The following RBFOX2 variants were observed in gnomAD, a reference collection of about 807,000 sequenced individuals.
RBFOX2 encodes the protein RNA binding fox-1 homolog 2.
A neutral mutation model predicts 49.1 loss-of-function variants in RBFOX2; 10 were observed. The observed-to-expected ratio is 0.20, with a 90% CI of 0.13 to 0.35. The LOEUF (loss-of-function observed/expected upper bound fraction) is 0.35. Ranked by LOEUF, RBFOX2 falls within the 10% of genes least tolerant of loss-of-function variation. RBFOX2 has a pLI of 1.00. For synonymous variants in RBFOX2, 183 were observed against 187.4 expected (o/e 0.98, Z 0.19); for missense variants, 323 against 486.9 (o/e 0.66, Z 3.17).
intron 9 of RBFOX2, among the ~76,000 whole-genome samples, chr22:35,753,936 C>A (rs1387066811): frequency 6.6e-6 from 1 of 151,824 alleles, no homozygotes; most frequent in African/African-American, 2.4e-5. Context: ...GCGTGTGCCA[C>A]CACGCCTGGC....
chr22:36,028,526 G>C, exon 1 of RBFOX2: 1 of 975,766 alleles, frequency 1.0e-6, no homozygotes, highest in Middle Eastern at 5.1e-4. Flanking sequence ...GCGCGCGCCT[G>C]CCCCCGCCCC....
intron 1 of RBFOX2, among the ~76,000 whole-genome samples, chr22:35,880,522 A>C (rs940587788): frequency 6.6e-6 from 1 of 152,154 alleles, no homozygotes; most frequent in African/African-American, 2.4e-5. Context: ...ACAGAATTTA[A>C]CACCCAGTGT....
At chr22:35,942,182 G>A (rs1405247704), upstream of RBFOX2, among the ~76,000 whole-genome samples, 1 of 152,050 alleles carries the variant, frequency 6.6e-6, no homozygotes, top group Non-Finnish European at 1.5e-5. Context: ...TGGTTTTTGT[G>A]CTCACACCAT....
intron 9 of RBFOX2, among the ~76,000 whole-genome samples, chr22:35,752,422 C>G (rs866320097): frequency 6.6e-6 from 1 of 152,240 alleles, no homozygotes; most frequent in South Asian, 2.1e-4. Flanking sequence ...AGAGGAAGTG[C>G]CATTATGTAC....
At chr22:35,980,928 G>A (rs957664016) in intron 1 of RBFOX2, among the ~76,000 whole-genome samples, 12 of 152,122 alleles carry the variant, frequency 7.9e-5, no homozygotes, top group African/African-American at 2.7e-4. Flanking sequence ...TTTATGTTAT[G>A]TGTTTTACTT....
intron 1 of RBFOX2, among the ~76,000 whole-genome samples, chr22:35,938,287 G>C (rs2053323019): frequency 6.6e-6 from 1 of 152,166 alleles, no homozygotes; most frequent in African/African-American, 2.4e-5. Flanking sequence ...CATACTGAGG[G>C]TGTCTCGTAG....
intron 1 of RBFOX2, among the ~76,000 whole-genome samples, chr22:35,933,108 A>T (rs1412063081): frequency 1.3e-5 from 2 of 152,192 alleles, no homozygotes; most frequent in Non-Finnish European, 2.9e-5. Context: ...GACAAATACA[A>T]AAGGGAAATA....
intron 1 of RBFOX2, among the ~76,000 whole-genome samples, chr22:35,947,672 T>TAAAAAAAAAAAAAAAAAA (rs559788717): frequency 2.9e-5 from 1 of 34,144 alleles, no homozygotes; most frequent in Non-Finnish European, 5.5e-5. Flanking sequence ...GTTTAAAAAG[T>TAAAAAAAAAAAAAAAAAA]AAAAAAAAAA....
chr22:35,985,040 A>T (rs1301432499), intron 1 of RBFOX2, among the ~76,000 whole-genome samples: 1 of 152,212 alleles, frequency 6.6e-6, no homozygotes, highest in Non-Finnish European at 1.5e-5. Context: ...GATGCGAAGA[A>T]AAGATGACAA....
intron 1 of RBFOX2, among the ~76,000 whole-genome samples, chr22:35,931,688 CCA>C (rs1331877058): frequency 6.6e-6 from 1 of 152,072 alleles, no homozygotes; most frequent in African/African-American, 2.4e-5. Context: ...GGTAGGAGGA[CCA>C]CTTGAGCCTG....
intron 1 of RBFOX2, among the ~76,000 whole-genome samples, chr22:36,008,279 C>T (rs1021346322): frequency 6.6e-6 from 1 of 152,032 alleles, no homozygotes; most frequent in African/African-American, 2.4e-5. Context: ...TGTAACTAAC[C>T]CCAGCATCTA....
intron 4 of RBFOX2, among the ~76,000 whole-genome samples, chr22:35,773,067 A>G (rs912663269): frequency 3.3e-5 from 5 of 151,222 alleles, no homozygotes; most frequent in African/African-American, 9.7e-5. Context: ...AAAACAAACT[A>G]AGCCCTTCAG....
At chr22:35,837,782 G>A (rs1050418211) in intron 1 of RBFOX2, among the ~76,000 whole-genome samples, 2 of 152,142 alleles carry the variant, frequency 1.3e-5, no homozygotes, top group Non-Finnish European at 2.9e-5. Context: ...GATAAAACAG[G>A]TGATTTTATT....
chr22:35,882,856 T>C (rs943681942), intron 1 of RBFOX2, among the ~76,000 whole-genome samples: 10 of 152,198 alleles, frequency 6.6e-5, no homozygotes, highest in African/African-American at 4.8e-5. Context: ...AACAACAGCA[T>C]GGCATTCTGG....
intron 1 of RBFOX2, among the ~76,000 whole-genome samples, chr22:35,911,337 T>A (rs1477095510): frequency 6.6e-6 from 1 of 152,170 alleles, no homozygotes; most frequent in African/African-American, 2.4e-5. Context: ...CTTGGTGGGC[T>A]TTTTTGGGAG....
chr22:35,931,057 T>C (rs958654503), intron 1 of RBFOX2, among the ~76,000 whole-genome samples: 2 of 152,082 alleles, frequency 1.3e-5, no homozygotes, highest in East Asian at 1.9e-4. Context: ...GCTGATTACA[T>C]GGATTGAGAA....
At chr22:35,942,189 C>T (rs191956608), upstream of RBFOX2, among the ~76,000 whole-genome samples, 4 of 152,272 alleles carry the variant, frequency 2.6e-5, no homozygotes, top group Non-Finnish European at 5.9e-5. Context: ...TGTGCTCACA[C>T]CATGCTGCCT....
chr22:35,999,619 A>G (rs1054261564), intron 1 of RBFOX2: 5 of 152,168 alleles, frequency 3.3e-5, no homozygotes, highest in Admixed American at 6.6e-5. Flanking sequence ...GACTTCTCAT[A>G]TAAGAATTTT....
chr22:36,027,978 G>C (rs73415795), intron 1 of RBFOX2, among the ~76,000 whole-genome samples: 1 of 151,928 alleles, frequency 6.6e-6, no homozygotes, highest in African/African-American at 2.4e-5. Flanking sequence ...AACCTTGTTC[G>C]ATTTCCCCCC....
Sources: allele counts gnomAD v4.1 joint callset (sites outside exome capture counted in the v4.1 genomes callset), GRCh38; gene constraint gnomAD v4.1.1; transcripts MANE v1.5; gene names NCBI Gene and HGNC (gene_info 2026-07-23, HGNC 2026-07-21).